Variants in PAAF1 observed in about 807,000 individuals in gnomAD.
The protein encoded by PAAF1 is proteasomal ATPase-associated factor 1.
In PAAF1, 46 loss-of-function variants were observed where a neutral mutation model predicts 52.8. That is an observed-to-expected ratio of 0.87 (90% CI 0.69 to 1.11). PAAF1 has a LOEUF of 1.11. Among genes scored for constraint, PAAF1 ranks in the 50% most tolerant of loss-of-function variants. The pLI is 0.00. For synonymous variants in PAAF1, 178 were observed against 172.8 expected (o/e 1.03, Z -0.24); for missense variants, 424 against 477.4 (o/e 0.89, Z 1.04).
chr11:73,889,305 T>C (rs1236105292), intron 3 of PAAF1: 2 of 1,021,260 alleles, frequency 2.0e-6, no homozygotes, highest in Admixed American at 3.4e-5. Flanking sequence ...ACTTTGCTAA[T>C]TTGATATTGC....
intron 1 of PAAF1, 136 bp from the exon 2 acceptor site, chr11:73,878,643 G>A (rs556234921): frequency 1.6e-4 from 104 of 640,012 alleles, no homozygotes; most frequent in Admixed American, 6.7e-4. Flanking sequence ...ATCTATACTC[G>A]ATGAGAGGTT....
intron 7 of PAAF1, among the ~76,000 whole-genome samples, chr11:73,912,372 A>C (rs1369115820): frequency 6.6e-6 from 1 of 152,118 alleles, no homozygotes; most frequent in Non-Finnish European, 1.5e-5. Flanking sequence ...TCCATCTCAG[A>C]AGATGGCACC....
intron 6 of PAAF1, among the ~76,000 whole-genome samples, 165 bp downstream of exon 6, chr11:73,900,585 A>G (rs1591080797): frequency 6.6e-6 from 1 of 152,214 alleles, no homozygotes; most frequent in African/African-American, 2.4e-5. Flanking sequence ...CCTTTGCCAC[A>G]CAGTCTTTTT....
At chr11:73,907,958 A>G (rs1191115046) in intron 6 of PAAF1, among the ~76,000 whole-genome samples, 1 of 152,122 alleles carries the variant, frequency 6.6e-6, no homozygotes, top group African/African-American at 2.4e-5. Flanking sequence ...TGTGGGAGGC[A>G]ATAAGGAAAT....
In PAAF1 at chr11:73,910,306, AAAG is replaced by A. The variant is rs762678409; in HGVS notation, c.727+717_727+719del. ...TAGTATAGATAGGAAAGATGTCACAAAAGAAGTTGGCTTGAACCTTTAGAGGAT... is the reference window on the plus strand; with the variant it reads ...TAGTATAGATAGGAAAGATGTCACAAAAGTTGGCTTGAACCTTTAGAGGAT... On this transcript the variant is annotated intron_variant, in intron 7 of 11. Transcript: ENST00000310571. 3.0e-4 allele frequency among the ~76,000 whole-genome samples: 46 copies of A among 152,206 alleles called. 1 individual carries two copies. The highest frequency in any genetic ancestry group is 5.9e-4 in the Non-Finnish European group (40 of 68,042).
chr11:73,894,339 C>CA (rs1391441018), intron 4 of PAAF1, among the ~76,000 whole-genome samples: 1 of 151,960 alleles, frequency 6.6e-6, no homozygotes, highest in East Asian at 1.9e-4. Flanking sequence ...CTTGTCTCTA[C>CA]AAAAAAATAA....
rs765819607 is a variant in PAAF1 at position 73,916,564 on chromosome 11, C to T, written c.839C>T (p.Ser280Leu). 3.1e-6 allele frequency: 5 copies of T among 1,613,558 alleles called. No individual in the cohort carries two copies. The Admixed American group carries it at 6.7e-5, about 22-fold the overall frequency. ...SRQLVFLFIG[S>L]DAFNCCTFLS... ...TCCCAGGTGTTCCTCTTTATTGGCT[C>T]AGACGCTTTCAACTGCTGTACTTTT... Residue 280 changes from serine to leucine, a missense_variant, in exon 9 of 12, where the codon TCA (serine) becomes TTA (leucine). Ser to Leu is a moderately radical substitution (Grantham distance 145). Coordinates refer to ENST00000310571, the MANE Select transcript of PAAF1 (RefSeq NM_025155.3).
chr11:73,877,102 C>A, intron 1 of PAAF1, 34 bp downstream of exon 1: 2 of 1,496,954 alleles, frequency 1.3e-6, no homozygotes, highest in South Asian at 1.3e-5. Flanking sequence ...TCAGAGGAGG[C>A]GGGTAGTGGA....
chr11:73,882,028 C>T (rs2135125627), intron 2 of PAAF1, among the ~76,000 whole-genome samples: 1 of 152,040 alleles, frequency 6.6e-6, no homozygotes, highest in South Asian at 2.1e-4. Context: ...GCATGTGCCA[C>T]CATGCCTGGC....
intron 4 of PAAF1, among the ~76,000 whole-genome samples, chr11:73,895,217 G>C (rs1045246132): frequency 6.6e-6 from 1 of 152,154 alleles, no homozygotes; most frequent in African/African-American, 2.4e-5. Flanking sequence ...GAGTTGGGAT[G>C]ATTCAAAAAA....
At chr11:73,917,438 C>T (rs1950098415) in intron 9 of PAAF1, among the ~76,000 whole-genome samples, 1 of 152,228 alleles carries the variant, frequency 6.6e-6, no homozygotes, top group Non-Finnish European at 1.5e-5. Context: ...CACACAATCT[C>T]TCTGTTGCAG....
chr11:73,914,576 G>A, intron 8 of PAAF1, 72 bp downstream of exon 8: 1 of 1,312,978 alleles, frequency 7.6e-7, no homozygotes, highest in Admixed American at 1.8e-5. Context: ...AAGCTATTTT[G>A]GAAACATTTC....
intron 7 of PAAF1, 25 bp from the exon 8 acceptor site, chr11:73,914,388 T>C (rs1367468818): frequency 1.2e-6 from 2 of 1,608,866 alleles, no homozygotes; most frequent in South Asian, 2.2e-5. Flanking sequence ...CTCACTGTTA[T>C]TAACATAGTT....
chr11:73,917,873 A>C (rs1193950833), intron 9 of PAAF1, among the ~76,000 whole-genome samples: 2 of 150,714 alleles, frequency 1.3e-5, no homozygotes, highest in African/African-American at 4.9e-5. Flanking sequence ...TCTATCTCAA[A>C]AAAAAAAAAA....
At chr11:73,904,882 G>GA in intron 6 of PAAF1, among the ~76,000 whole-genome samples, 1 of 152,180 alleles carries the variant, frequency 6.6e-6, no homozygotes, top group East Asian at 1.9e-4. Flanking sequence ...TGATTCTGCT[G>GA]AATCTTTTCT....
intron 4 of PAAF1, among the ~76,000 whole-genome samples, chr11:73,892,015 G>C (rs1949214732): frequency 6.6e-6 from 1 of 152,026 alleles, no homozygotes; most frequent in Admixed American, 6.6e-5. Flanking sequence ...TTACTGTGTG[G>C]TACGTTTTTT....
chr11:73,914,392 C>G, intron 7 of PAAF1, 21 bp from the exon 8 acceptor site: 1 of 1,609,824 alleles, frequency 6.2e-7, no homozygotes, highest in African/African-American at 1.3e-5. Flanking sequence ...CTGTTATTAA[C>G]ATAGTTTATT....
At chr11:73,891,969 C>T (rs1486355756) in intron 4 of PAAF1, among the ~76,000 whole-genome samples, 1 of 152,052 alleles carries the variant, frequency 6.6e-6, no homozygotes, top group East Asian at 1.9e-4. Context: ...TGAGAAATTG[C>T]TAGATAAAAC....
intron 3 of PAAF1, chr11:73,889,134 A>G: frequency 6.9e-7 from 1 of 1,442,540 alleles, no homozygotes; most frequent in Non-Finnish European, 9.4e-7. Context: ...GTTTTGGCAC[A>G]GCCTGGGTGC....
Sources: gnomAD v4.1 joint callset for allele counts (sites outside exome capture counted in the v4.1 genomes callset) on GRCh38, gnomAD v4.1.1 for gene constraint, MANE v1.5 for transcripts, NCBI Gene and HGNC (gene_info 2026-07-23, HGNC 2026-07-21) for gene names.